KMT2C: variants seen among roughly 807,000 people sequenced by gnomAD.
The protein encoded by KMT2C is lysine methyltransferase 2C, also known as histone-lysine N-methyltransferase 2C.
A neutral mutation model predicts 507.9 loss-of-function variants in KMT2C; 88 were observed. The ratio of observed to expected loss-of-function variants is 0.17; its 90% CI spans 0.15 to 0.21. KMT2C has a LOEUF of 0.21. Ranked by LOEUF, KMT2C falls within the 10% of genes least tolerant of loss-of-function variation. KMT2C has a pLI of 1.00. For missense variants in KMT2C, 4,954 were observed against 5,957.8 expected, an observed-to-expected ratio of 0.83 and a Z score of 5.55; for synonymous variants, 2,049 against 2,080.8, an observed-to-expected ratio of 0.98 and a Z score of 0.42.
chr7:152,219,333 T>A (rs915707391), intron 23 of KMT2C, among the ~76,000 whole-genome samples: 2 of 152,166 alleles, frequency 1.3e-5, no homozygotes, highest in African/African-American at 4.8e-5. Context: ...AATTAACTGA[T>A]TTTTTTTAAG....
At chr7:152,352,125 A>C (rs535941019) in intron 2 of KMT2C, among the ~76,000 whole-genome samples, 6 of 152,292 alleles carry the variant, frequency 3.9e-5, no homozygotes, top group Non-Finnish European at 8.8e-5. Flanking sequence ...TGCATCCCTG[A>C]GGGTGGGCCT....
chr7:152,210,766 A>G (rs1402350711), intron 23 of KMT2C, among the ~76,000 whole-genome samples: 1 of 152,200 alleles, frequency 6.6e-6, no homozygotes, highest in Admixed American at 6.5e-5. Context: ...GAGGGATAAT[A>G]TAAGATACCC....
chr7:152,219,309 GC>G, intron 23 of KMT2C, among the ~76,000 whole-genome samples: 1 of 152,182 alleles, frequency 6.6e-6, no homozygotes, highest in South Asian at 2.1e-4. Flanking sequence ...CATGGGACTT[GC>G]CAAACACATT....
At chr7:152,365,811 T>C (rs776056020) in intron 1 of KMT2C, among the ~76,000 whole-genome samples, 6 of 152,236 alleles carry the variant, frequency 3.9e-5, no homozygotes, top group Non-Finnish European at 7.3e-5. Flanking sequence ...GTAGACAGAA[T>C]ATAATTAGGT....
chr7:152,386,455 T>C (rs1414331362), intron 1 of KMT2C, among the ~76,000 whole-genome samples: 4 of 151,930 alleles, frequency 2.6e-5, no homozygotes, highest in African/African-American at 9.7e-5. Context: ...AAACTGGCTA[T>C]TTACCAAAGC....
At chr7:152,401,863 C>A (rs1249210864) in intron 1 of KMT2C, among the ~76,000 whole-genome samples, 2 of 151,960 alleles carry the variant, frequency 1.3e-5, no homozygotes, top group African/African-American at 4.9e-5. Context: ...ATAATCCCAG[C>A]ACTCTGGGAG....
chr7:152,304,212 T>C (rs1367775210), intron 6 of KMT2C, among the ~76,000 whole-genome samples: 1 of 152,180 alleles, frequency 6.6e-6, no homozygotes, highest in African/African-American at 2.4e-5. Context: ...TTTCTATGGC[T>C]CTCATAGGTT....
At chr7:152,430,634 A>G (rs1217478105) in intron 1 of KMT2C, among the ~76,000 whole-genome samples, 1 of 152,072 alleles carries the variant, frequency 6.6e-6, no homozygotes, top group Non-Finnish European at 1.5e-5. Flanking sequence ...GCCTCACACA[A>G]TCTTCTCTCA....
intron 6 of KMT2C, among the ~76,000 whole-genome samples, chr7:152,299,587 T>C (rs968828278): frequency 1.3e-5 from 2 of 151,920 alleles, no homozygotes; most frequent in Non-Finnish European, 2.9e-5. Context: ...AGGTCAAGGC[T>C]GCAGTAAGGT....
chr7:152,361,729 A>C (rs976548045), intron 1 of KMT2C, among the ~76,000 whole-genome samples: 2 of 152,286 alleles, frequency 1.3e-5, no homozygotes, highest in East Asian at 3.9e-4. Context: ...ATAAATATGA[A>C]TTTTCACAGT....
intron 3 of KMT2C, among the ~76,000 whole-genome samples, chr7:152,326,950 C>T (rs1563871526): frequency 6.6e-6 from 1 of 152,102 alleles, no homozygotes. Context: ...AACTGTGGGA[C>T]AGAGAGATAA....
chr7:152,347,462 G>C (rs2097070665), intron 2 of KMT2C, among the ~76,000 whole-genome samples: 1 of 152,216 alleles, frequency 6.6e-6, no homozygotes. Context: ...ATTTACTGGA[G>C]AGATGAACTG....
chr7:152,361,379 T>C (rs1018007677), intron 1 of KMT2C, among the ~76,000 whole-genome samples: 8 of 152,028 alleles, frequency 5.3e-5, no homozygotes, highest in African/African-American at 1.9e-4. Context: ...GCTAACACGG[T>C]GAAACCCCGT....
chr7:152,269,970 TA>T (rs1357272388), intron 7 of KMT2C, among the ~76,000 whole-genome samples: 2 of 152,192 alleles, frequency 1.3e-5, no homozygotes, highest in African/African-American at 2.4e-5. Flanking sequence ...AACTATTACT[TA>T]AGAAAATCCA....
At chr7:152,421,197 A>T (rs925979682) in intron 1 of KMT2C, among the ~76,000 whole-genome samples, 73 of 152,286 alleles carry the variant, frequency 4.8e-4, no homozygotes, top group African/African-American at 1.7e-3. Flanking sequence ...ATGAGATACC[A>T]TCTCACACAA....
chr7:152,241,162 T>C (rs1294910201), intron 14 of KMT2C, among the ~76,000 whole-genome samples: 1 of 152,174 alleles, frequency 6.6e-6, no homozygotes, highest in African/African-American at 2.4e-5. Flanking sequence ...AACACTTCAC[T>C]ATATCATTCC....
chr7:152,185,729 CAG>C (rs2093606512), intron 33 of KMT2C, 98 bp from the exon 34 acceptor site: 2 of 903,154 alleles, frequency 2.2e-6, no homozygotes, highest in Non-Finnish European at 3.7e-6. Context: ...TAATCTTATT[CAG>C]GCCGTATTCT....
rs1473110955 is a variant in KMT2C at position 152,220,652 on chromosome 7, G to A, written c.3583C>T (p.Pro1195Ser). Residue 1195 changes from proline to serine, a missense_variant, in exon 23 of 59, where the codon CCA (proline) becomes TCA (serine). Pro to Ser is a moderately conservative substitution (Grantham distance 74). Around this residue, in one of 29 missense-constraint regions of KMT2C, gnomAD observed 176 missense variants for 262.0 expected, o/e 0.67. Transcript: ENST00000262189. The part of the protein sequence containing the change: ...TQLQSLTVTV[P>S]RRKRSKPKLK... ...TTTGGTTTTGACCGTTTTCTTCTTG[G>A]AACTGTAACTGTGAGGCTCTGTAAC... The A allele has an allele frequency of 6.2e-7, 1 of 1,611,580 alleles. No individual in the cohort carries two copies. Among genetic ancestry groups the A allele is most frequent in the Non-Finnish European group, 8.5e-7 (1 of 1,179,646 alleles).
rs570272219 is a variant in KMT2C at position 152,187,802 on chromosome 7, C to A, written c.4706G>T (p.Ser1569Ile). The change falls in exon 32 of 59, where the codon AGT becomes ATT. Residue 1569 changes from serine (S) to isoleucine (I), a missense_variant. Ser to Ile is a moderately radical substitution (Grantham distance 142). Around this residue, in one of 29 missense-constraint regions of KMT2C, gnomAD observed 195 missense variants for 183.7 expected, o/e 1.06. Transcript: ENST00000262189. The stretch of plus-strand genomic sequence containing the variant: ...CAAAGAATTATGTGGGAGATGAGGA[C>A]TGGATCCAATAAGGCCATTCATGAG... ...MPLMNGLIGS[S>I]PHLPHNSLPP... 1 of 1,614,016 alleles carries A rather than the reference C, an allele frequency of 6.2e-7. No individual in the cohort carries two copies. Among genetic ancestry groups the A allele is most frequent in the Middle Eastern group, 1.6e-4 (1 of 6,062 alleles).
Sources: allele counts gnomAD v4.1 joint callset (sites outside exome capture counted in the v4.1 genomes callset), GRCh38; gene constraint gnomAD v4.1.1; regional missense constraint gnomAD v4.1.1; transcripts MANE v1.5; gene names NCBI Gene and HGNC (gene_info 2026-07-23, HGNC 2026-07-21).